The following ROBO2 variants were observed in gnomAD, a reference collection of about 807,000 sequenced individuals.
The protein encoded by ROBO2 is roundabout guidance receptor 2, also known as roundabout homolog 2.
A neutral mutation model predicts 160.8 loss-of-function variants in ROBO2; 53 were observed. That is an observed-to-expected ratio of 0.33 (90% CI 0.26 to 0.41). The LOEUF is 0.41. Among genes scored for constraint, ROBO2 ranks in the 10% least tolerant of loss-of-function variants. ROBO2 has a pLI of 1.00. For missense variants in ROBO2, 1,577 were observed against 1,722.4 expected, an observed-to-expected ratio of 0.92 and a Z score of 1.49; for synonymous variants, 664 against 611.7, an observed-to-expected ratio of 1.09 and a Z score of -1.26.
intron 2 of ROBO2, among the ~76,000 whole-genome samples, chr3:76,287,720 C>A (rs1414099964): frequency 6.6e-6 from 1 of 152,200 alleles, no homozygotes; most frequent in Non-Finnish European, 1.5e-5. Context: ...ACTGTTTAAT[C>A]TCAAAGTTTT....
intron 20 of ROBO2, chr3:77,603,168 A>C: frequency 4.7e-6 from 2 of 428,548 alleles, no homozygotes; most frequent in South Asian, 3.4e-5. Context: ...TCAGGCATTT[A>C]TCTGTCAAAT....
chr3:75,995,659 C>A (rs1247324813), intron 2 of ROBO2, among the ~76,000 whole-genome samples: 2 of 151,944 alleles, frequency 1.3e-5, no homozygotes, highest in African/African-American at 4.8e-5. Context: ...CCTCCAGACC[C>A]CAGAATGGTA....
intron 2 of ROBO2, among the ~76,000 whole-genome samples, chr3:77,155,441 G>A (rs1367754226): frequency 1.3e-5 from 2 of 151,998 alleles, no homozygotes; most frequent in African/African-American, 4.8e-5. Context: ...ATAGAAGAAA[G>A]TGCCTGCCAA....
chr3:77,482,947 A>G (rs150537421), intron 4 of ROBO2, among the ~76,000 whole-genome samples: 321 of 152,306 alleles, frequency 2.1e-3, no homozygotes, highest in African/African-American at 7.2e-3. Context: ...AAGCAATTAG[A>G]CTTACCACTA....
At chr3:77,427,275 C>A (rs1375675287) in intron 2 of ROBO2, among the ~76,000 whole-genome samples, 2 of 152,134 alleles carry the variant, frequency 1.3e-5, no homozygotes, top group African/African-American at 4.8e-5. Flanking sequence ...AAACACAGGG[C>A]TGAATTAATA....
chr3:76,953,694 A>G (rs574502635), intron 2 of ROBO2, among the ~76,000 whole-genome samples: 1 of 152,280 alleles, frequency 6.6e-6, no homozygotes, highest in South Asian at 2.1e-4. Context: ...ATCACTTTGT[A>G]TTATGTTTGG....
intron 2 of ROBO2, among the ~76,000 whole-genome samples, chr3:76,560,831 C>T (rs923830289): frequency 1.3e-5 from 2 of 149,738 alleles, no homozygotes; most frequent in Admixed American, 6.7e-5. Flanking sequence ...AACTGATTTA[C>T]TGGCCCTAAA....
intron 2 of ROBO2, among the ~76,000 whole-genome samples, chr3:76,765,432 T>G (rs951505549): frequency 3.3e-5 from 5 of 151,518 alleles, no homozygotes; most frequent in African/African-American, 1.2e-4. Flanking sequence ...CTCCTACTGT[T>G]GAGATGTGGG....
chr3:76,986,281 CTGTT>C (rs1246608167), intron 2 of ROBO2, among the ~76,000 whole-genome samples: 1 of 152,026 alleles, frequency 6.6e-6, no homozygotes, highest in African/African-American at 2.4e-5. Flanking sequence ...ATCTTTAGGG[CTGTT>C]TACTATTGAT....
At chr3:77,167,623 C>G (rs918235318) in intron 2 of ROBO2, among the ~76,000 whole-genome samples, 1 of 152,130 alleles carries the variant, frequency 6.6e-6, no homozygotes, top group African/African-American at 2.4e-5. Context: ...TTCTTCAAGA[C>G]ACTGAATTTT....
At chr3:76,145,721 A>G (rs1418179358) in intron 2 of ROBO2, among the ~76,000 whole-genome samples, 1 of 152,032 alleles carries the variant, frequency 6.6e-6, no homozygotes, top group Non-Finnish European at 1.5e-5. Flanking sequence ...TTTGGGTAGA[A>G]GTTTACATTT....
At chr3:77,564,459 T>A in intron 11 of ROBO2, 1 of 455,954 alleles carries the variant, frequency 2.2e-6, no homozygotes. Flanking sequence ...GATATGTAGT[T>A]TAGAAGGCTC....
chr3:75,959,881 A>G (rs1331326615), intron 2 of ROBO2, among the ~76,000 whole-genome samples: 1 of 151,806 alleles, frequency 6.6e-6, no homozygotes, highest in Non-Finnish European at 1.5e-5. Context: ...AAAATGGTCA[A>G]TTATGTGTAT....
intron 5 of ROBO2, among the ~76,000 whole-genome samples, chr3:77,520,991 C>T (rs1463219009): frequency 6.6e-6 from 1 of 151,160 alleles, no homozygotes; most frequent in Non-Finnish European, 1.5e-5. Flanking sequence ...TCACAGTTGG[C>T]CTTTATATCA....
intron 2 of ROBO2, among the ~76,000 whole-genome samples, chr3:76,445,874 C>T (rs568122357): frequency 2.6e-4 from 40 of 152,172 alleles, no homozygotes; most frequent in African/African-American, 8.9e-4. Flanking sequence ...AAATTAGGTA[C>T]TGATGGGACG....
At chr3:76,645,780 G>T (rs2090935985) in intron 2 of ROBO2, among the ~76,000 whole-genome samples, 1 of 152,150 alleles carries the variant, frequency 6.6e-6, no homozygotes, top group Admixed American at 6.5e-5. Flanking sequence ...GAGAAATTCA[G>T]GAGAGAAAAG....
chr3:77,397,631 T>C lies in ROBO2; in HGVS notation c.389-79783T>C, dbSNP rs960273778. On this transcript the variant is annotated intron_variant, in intron 2 of 25. Transcript: ENST00000461745. ...CTTGGCAAAAATGTATATCTTTCTT[T>C]TGGCAAATGTGTGTGTGTATGCTAT... 5.3e-5 allele frequency among the ~76,000 whole-genome samples: 8 copies of C among 152,154 alleles called. No homozygotes were observed. In the East Asian group the frequency reaches 1.5e-3, roughly 29 times the overall value.
At chr3:76,773,459 C>T (rs959621165) in intron 2 of ROBO2, among the ~76,000 whole-genome samples, 1 of 150,782 alleles carries the variant, frequency 6.6e-6, no homozygotes, top group Non-Finnish European at 1.5e-5. Context: ...TGCACCTTAC[C>T]TTTCTGCCTG....
intron 2 of ROBO2, among the ~76,000 whole-genome samples, chr3:76,055,706 G>A (rs72892637): frequency 1.3e-5 from 2 of 152,176 alleles, no homozygotes; most frequent in Admixed American, 6.5e-5. Flanking sequence ...ATTCCAAGGT[G>A]TATGTATACT....
Sources: allele counts gnomAD v4.1 joint callset (sites outside exome capture counted in the v4.1 genomes callset), GRCh38; gene constraint gnomAD v4.1.1; transcripts MANE v1.5; gene names NCBI Gene and HGNC (gene_info 2026-07-23, HGNC 2026-07-21).